SRPRB: variants seen among roughly 807,000 people sequenced by gnomAD.
SRPRB encodes SRP receptor subunit beta.
Under a neutral mutation model 31.9 loss-of-function variants are expected in SRPRB, and 20 were observed. The ratio of observed to expected loss-of-function variants is 0.63; its 90% CI spans 0.44 to 0.91. SRPRB has a LOEUF of 0.91. SRPRB is among the 40% of genes least tolerant of loss of function. The pLI is 0.00. For synonymous variants in SRPRB, 146 were observed against 132.8 expected, an observed-to-expected ratio of 1.10 and a Z score of -0.68; for missense variants, 321 against 324.9, an observed-to-expected ratio of 0.99 and a Z score of 0.09.
chr3:133,814,607 T>C (rs1388699859), intron 4 of SRPRB, among the ~76,000 whole-genome samples: 1 of 152,046 alleles, frequency 6.6e-6, no homozygotes, highest in East Asian at 1.9e-4. Context: ...TCTGGCTAAT[T>C]GTTATATTTT....
At chr3:133,809,273 G>A (rs1304186856) in intron 3 of SRPRB, among the ~76,000 whole-genome samples, 2 of 152,150 alleles carry the variant, frequency 1.3e-5, no homozygotes, top group Non-Finnish European at 2.9e-5. Context: ...GATTACAGGC[G>A]TGAGCCACTG....
intron 1 of SRPRB, among the ~76,000 whole-genome samples, chr3:133,798,342 G>A (rs971729393): frequency 6.6e-6 from 1 of 152,150 alleles, no homozygotes; most frequent in African/African-American, 2.4e-5. Flanking sequence ...TCTTTCGGCT[G>A]TACTATAGGA....
chr3:133,800,511 C>A lies in SRPRB; in HGVS notation c.-173-5165C>A, dbSNP rs372118814. On this transcript the variant is annotated intron_variant, in intron 1 of 7. Coordinates refer to the SRPRB transcript ENST00000466490. ...GGAGGGAGCTGCCCAAGCTGCCTGG[C>A]CAGATGTCTGTGGACTAAGTGTGAC... Among the ~76,000 whole-genome samples the A allele has an allele frequency of 3.6e-4, 55 of 152,284 alleles. 1 individual carries two copies. The highest frequency in any genetic ancestry group is 1.3e-3 in the African/African-American group (52 of 41,554).
chr3:133,825,509 C>T (rs1228241960), downstream of SRPRB: 2 of 152,362 alleles, frequency 1.3e-5, no homozygotes, highest in East Asian at 3.9e-4. Flanking sequence ...CCAAGGGAAA[C>T]TGCTGCCAAC....
chr3:133,815,484 G>A (rs1340033898), intron 4 of SRPRB, 106 bp from the exon 5 acceptor site: 1 of 1,352,456 alleles, frequency 7.4e-7, no homozygotes, highest in East Asian at 2.3e-5. Flanking sequence ...TGTCTGCTGA[G>A]TGTTAATCAC....
chr3:133,805,717 T>TG (rs966551455), upstream of SRPRB: 3 of 1,226,552 alleles, frequency 2.4e-6, no homozygotes, highest in Non-Finnish European at 2.2e-6. Context: ...ATCAAGCACT[T>TG]GGGGGATCGC....
chr3:133,814,440 G>GT (rs921589124), intron 4 of SRPRB, among the ~76,000 whole-genome samples: 1 of 141,076 alleles, frequency 7.1e-6, no homozygotes, highest in South Asian at 2.3e-4. Context: ...CGGTTTTTTT[G>GT]TTTTTTTGTT....
chr3:133,826,884 G>GT (rs1326846190), downstream of SRPRB: 2 of 152,684 alleles, frequency 1.3e-5, no homozygotes, highest in African/African-American at 4.8e-5. Context: ...TTGAGCACAT[G>GT]TATCTCCGTG....
At chr3:133,793,667 A>G (rs1435271865) in intron 1 of SRPRB, 1 of 152,098 alleles carries the variant, frequency 6.6e-6, no homozygotes, top group Non-Finnish European at 1.5e-5. Context: ...TTCCTTGTCA[A>G]TTGTGTTTTT....
chr3:133,787,641 T>G (rs570867522), intron 1 of SRPRB: 1 of 152,340 alleles, frequency 6.6e-6, no homozygotes, highest in Non-Finnish European at 1.5e-5. Context: ...CAGTGTTACT[T>G]GTTCATTCAG....
At chr3:133,791,673 C>T (rs753569188) in intron 1 of SRPRB, 1 of 152,136 alleles carries the variant, frequency 6.6e-6, no homozygotes, top group Admixed American at 6.5e-5. Flanking sequence ...CCCCATAGAC[C>T]TGCTGTTCAA....
intron 1 of SRPRB, among the ~76,000 whole-genome samples, chr3:133,800,687 GT>G (rs1935048522): frequency 6.6e-6 from 1 of 152,156 alleles, no homozygotes; most frequent in Admixed American, 6.5e-5. Flanking sequence ...ATTAAATTTG[GT>G]AGGCTAGGGT....
intron 3 of SRPRB, among the ~76,000 whole-genome samples, chr3:133,809,259 C>T (rs1935216750): frequency 6.6e-6 from 1 of 152,138 alleles, no homozygotes; most frequent in Non-Finnish European, 1.5e-5. Flanking sequence ...TCCCAAATTG[C>T]TGGGATTACA....
rs1934834651 is a variant in SRPRB at position 133,791,613 on chromosome 3, A to G, written c.-174+7469A>G. The G allele has an allele frequency of 2.0e-5, 3 of 152,126 alleles. No homozygotes were observed. In the South Asian group the frequency reaches 6.2e-4, roughly 31 times the overall value. The allele number at this position is 152,126 out of a possible 1,614,324, so 9.4% of individuals were successfully genotyped here. ...TCTGGTGTGCTTTGTGTCTTTCTGT[A>G]TTGTTTTGTCATAAAGAGGGGTACC... On this transcript the variant is annotated intron_variant, in intron 1 of 7. Coordinates refer to the SRPRB transcript ENST00000466490.
At position 133,821,437 on chromosome 3, in the gene SRPRB, C is replaced by T. The variant is rs1935472527; in HGVS notation, c.*1671C>T. 1.3e-5 allele frequency: 2 copies of T among 152,170 alleles called. No homozygotes were observed. The highest frequency in any genetic ancestry group is 1.3e-4 in the Admixed American group (2 of 15,274). The allele number at this position is 152,170 out of a possible 1,614,324, so 9.4% of individuals were successfully genotyped here. On this transcript the variant is annotated 3_prime_UTR_variant, in exon 7 of 7. Coordinates refer to ENST00000678299, the MANE Select transcript of SRPRB (RefSeq NM_001379313.1). ...CAATAAATGTGACATGTTATGTCAT[C>T]ATAGTAGGAGCTCATGGGAATAAAA... is the stretch of plus-strand genomic sequence containing the variant.
At chr3:133,812,282 A>C (rs992680664) in intron 4 of SRPRB, among the ~76,000 whole-genome samples, 10 of 152,216 alleles carry the variant, frequency 6.6e-5, no homozygotes, top group African/African-American at 2.4e-4. Context: ...TCATTATTGC[A>C]TCTTTGCCCA....
chr3:133,801,606 A>G (rs540269316), upstream of SRPRB, among the ~76,000 whole-genome samples: 15 of 152,306 alleles, frequency 9.8e-5, 1 homozygote, highest in South Asian at 2.9e-3. Context: ...TTACGGTTGG[A>G]ACTCTCCGTG....
chr3:133,790,331 AG>A (rs1282754175), intron 1 of SRPRB: 2 of 152,214 alleles, frequency 1.3e-5, no homozygotes, highest in Non-Finnish European at 2.9e-5. Context: ...CTAAAGTTTT[AG>A]GTTACTAAGG....
At chr3:133,811,295 A>G (rs1935257958) in intron 4 of SRPRB, 96 bp downstream of exon 4, 1 of 1,319,330 alleles carries the variant, frequency 7.6e-7, no homozygotes, top group East Asian at 2.3e-5. Context: ...GGGAGGCAGC[A>G]TGGTATCCTG....
Sources: gnomAD v4.1 joint callset for allele counts (sites outside exome capture counted in the v4.1 genomes callset) on GRCh38, gnomAD v4.1.1 for gene constraint, MANE v1.5 for transcripts, NCBI Gene and HGNC (gene_info 2026-07-23, HGNC 2026-07-21) for gene names.